GLCCI1: variants seen among roughly 807,000 people sequenced by gnomAD.
GLCCI1 encodes the protein glucocorticoid-induced transcript 1 protein.
Under a neutral mutation model 52.2 loss-of-function variants are expected in GLCCI1, and 24 were observed. The observed-to-expected ratio is 0.46, with a 90% confidence interval of 0.33 to 0.65. The LOEUF is 0.65. Among genes scored for constraint, GLCCI1 ranks in the 30% least tolerant of loss-of-function variants. The pLI, the probability that GLCCI1 is intolerant of heterozygous loss-of-function variation, is 0.02. For synonymous variants in GLCCI1, 310 were observed against 276.5 expected, an observed-to-expected ratio of 1.12 and a Z score of -1.20; for missense variants, 704 against 701.5, an observed-to-expected ratio of 1.00 and a Z score of -0.04.
chr7:7,987,600 T>C (rs1780760747), intron 1 of GLCCI1, among the ~76,000 whole-genome samples: 1 of 152,106 alleles, frequency 6.6e-6, no homozygotes, highest in Non-Finnish European at 1.5e-5. Context: ...ATTTATTGAT[T>C]GATGATTGAC....
intron 2 of GLCCI1, among the ~76,000 whole-genome samples, chr7:8,019,539 T>C (rs575232034): frequency 4.6e-5 from 7 of 152,324 alleles, no homozygotes; most frequent in Admixed American, 3.9e-4. Context: ...GTTTTTCTTT[T>C]TTTTAAACTA....
intron 1 of GLCCI1, among the ~76,000 whole-genome samples, chr7:7,993,262 C>T (rs1364947895): frequency 2.6e-5 from 4 of 152,062 alleles, no homozygotes; most frequent in African/African-American, 9.7e-5. Flanking sequence ...AGTGCTCCCA[C>T]TCTTCTTGTT....
chr7:7,980,640 C>T (rs1235232900), intron 1 of GLCCI1: 12 of 809,772 alleles, frequency 1.5e-5, no homozygotes, highest in African/African-American at 5.1e-5. Context: ...AGACAGAAAA[C>T]GTCCCAAGAA....
chr7:8,085,466 A>G (rs1783085015), intron 7 of GLCCI1, among the ~76,000 whole-genome samples: 1 of 152,238 alleles, frequency 6.6e-6, no homozygotes, highest in African/African-American at 2.4e-5. Flanking sequence ...TCTTCATGAA[A>G]TTTTAATATG....
In GLCCI1 at chr7:8,086,980, C is replaced by CAA. The variant is rs58639900; in HGVS notation, c.*460_*461dup. 4.1e-3 allele frequency: 484 copies of CAA among 118,780 alleles called. 2 individuals are homozygous for CAA. Among genetic ancestry groups the CAA allele is most frequent in the South Asian group, 0.013 (44 of 3,414 alleles). 7.4% of individuals were successfully genotyped at this position (118,780 alleles called of 1,614,324 possible). The stretch of plus-strand genomic sequence containing the variant: ...TCTAACTTCTGTAATACATACAATG[C>CAA]AAAAAAAAAAAAAAAAAAATGGCCA... On this transcript the variant is annotated 3_prime_UTR_variant, in exon 8 of 8. Coordinates refer to ENST00000223145, the MANE Select transcript of GLCCI1 (RefSeq NM_138426.4). This position sits in a 1 kb window ranked among gnomAD's most constrained non-coding sequence, Gnocchi z 4.4.
intron 1 of GLCCI1, among the ~76,000 whole-genome samples, chr7:8,003,116 C>T (rs1781079143): frequency 6.6e-6 from 1 of 151,936 alleles, no homozygotes; most frequent in South Asian, 2.1e-4. Flanking sequence ...AATGTTGGTT[C>T]CTATTTAGTC....
At chr7:7,975,590 C>T (rs907940319) in intron 1 of GLCCI1, among the ~76,000 whole-genome samples, 10 of 152,128 alleles carry the variant, frequency 6.6e-5, no homozygotes, top group Non-Finnish European at 2.9e-5. Context: ...AAAAGAATGA[C>T]AAAGGAATTG....
chr7:8,079,398 A>T (rs1162569294), intron 6 of GLCCI1, among the ~76,000 whole-genome samples: 1 of 148,246 alleles, frequency 6.7e-6, no homozygotes, highest in African/African-American at 2.6e-5. Context: ...TGCGCAAGAT[A>T]CAAAATATTT....
intron 5 of GLCCI1, among the ~76,000 whole-genome samples, chr7:8,060,850 T>C (rs1584009983): frequency 6.6e-6 from 1 of 152,314 alleles, no homozygotes; most frequent in African/African-American, 2.4e-5. Context: ...GGGTTGGAAA[T>C]GCTAACATGG....
intron 5 of GLCCI1, among the ~76,000 whole-genome samples, chr7:8,065,526 T>G (rs1020543121): frequency 1.4e-4 from 21 of 152,312 alleles, no homozygotes; most frequent in Admixed American, 8.5e-4. Context: ...CAGTATGACG[T>G]TGGCTGTGGG....
chr7:8,001,013 T>C (rs1781040530), intron 1 of GLCCI1, among the ~76,000 whole-genome samples: 1 of 152,258 alleles, frequency 6.6e-6, no homozygotes, highest in Admixed American at 6.5e-5. Context: ...CTGTGTCTTT[T>C]AATTGGGGCA....
chr7:8,028,416 A>G (rs531265112), intron 3 of GLCCI1, among the ~76,000 whole-genome samples: 1 of 152,318 alleles, frequency 6.6e-6, no homozygotes, highest in East Asian at 1.9e-4. Flanking sequence ...GAAACAAATG[A>G]TAATGGAAGC....
chr7:7,970,488 C>G (rs939659706), intron 1 of GLCCI1: 6 of 150,270 alleles, frequency 4.0e-5, no homozygotes, highest in African/African-American at 9.8e-5. Flanking sequence ...AGTTTGTGCT[C>G]TACCGGAGAT....
In GLCCI1 at chr7:8,088,754, G is replaced by C. The variant is rs1006359412; in HGVS notation, c.*2216G>C. The C allele has an allele frequency of 6.6e-6, 1 of 152,572 alleles. No homozygotes were observed. Among genetic ancestry groups the C allele is most frequent in the Non-Finnish European group, 1.5e-5 (1 of 68,010 alleles). 9.5% of individuals were successfully genotyped at this position (152,572 alleles called of 1,614,324 possible). On this transcript the variant is annotated 3_prime_UTR_variant, in exon 8 of 8. Transcript: ENST00000223145. ...GTGATGTGCTTTTATTTTCTCATGA[G>C]ATACTAAATATTAATTGTGTTGTAC...
intron 1 of GLCCI1, among the ~76,000 whole-genome samples, chr7:7,993,692 C>A (rs1780888890): frequency 6.6e-6 from 1 of 151,890 alleles, no homozygotes; most frequent in South Asian, 2.1e-4. Context: ...TGCTTTCTCC[C>A]AACTCATTTA....
chr7:8,025,223 A>G (rs540139848), intron 3 of GLCCI1, among the ~76,000 whole-genome samples: 91 of 152,298 alleles, frequency 6.0e-4, no homozygotes, highest in African/African-American at 2.1e-3. Context: ...GCCTAGGAAT[A>G]GGTGCAGATG....
chr7:8,025,211 G>A (rs1282340400), intron 3 of GLCCI1, among the ~76,000 whole-genome samples: 1 of 152,144 alleles, frequency 6.6e-6, no homozygotes, highest in Non-Finnish European at 1.5e-5. Flanking sequence ...TTGGCCAGGA[G>A]AGCCTAGGAA....
intron 3 of GLCCI1, among the ~76,000 whole-genome samples, chr7:8,031,488 C>G (rs146625932): frequency 6.6e-6 from 1 of 151,890 alleles, no homozygotes; most frequent in African/African-American, 2.4e-5. Flanking sequence ...TTTGATAGTA[C>G]AACAGTGGGA....
chr7:8,084,786 G>T (rs1228004920), intron 6 of GLCCI1, 111 bp from the exon 7 acceptor site: 22 of 1,056,016 alleles, frequency 2.1e-5, no homozygotes, highest in Non-Finnish European at 2.9e-5. Context: ...AAGGAGACTG[G>T]TCAAAGCATA....
Sources: allele counts gnomAD v4.1 joint callset (sites outside exome capture counted in the v4.1 genomes callset), GRCh38; gene constraint gnomAD v4.1.1; non-coding constraint Gnocchi (gnomAD v3.1); transcripts MANE v1.5; gene names NCBI Gene and HGNC (gene_info 2026-07-23, HGNC 2026-07-21).